Variants in DTL observed in about 807,000 individuals in gnomAD.
DTL encodes denticleless protein homolog.
In DTL, 46 loss-of-function variants were observed where a neutral mutation model predicts 87.0. The observed-to-expected ratio is 0.53, with a 90% CI of 0.42 to 0.68. The LOEUF (loss-of-function observed/expected upper bound fraction) is 0.68. Among genes scored for constraint, DTL ranks in the 30% least tolerant of loss-of-function variants. The pLI is 0.00. For synonymous variants in DTL, 308 were observed against 311.2 expected (o/e 0.99, Z 0.11); for missense variants, 737 against 869.4 (o/e 0.85, Z 1.91).
rs746976359 is a variant in DTL at position 212,100,628 on chromosome 1, G to A, written c.1638G>A (p.Glu546=). 45 of 1,613,946 alleles carry A rather than the reference G, an allele frequency of 2.8e-5. 1 individual carries two copies. The South Asian group carries it at 4.0e-4, about 14-fold the overall frequency. Residue 546 remains glutamate, a synonymous_variant, in exon 14 of 15, where the codon GAG becomes GAA. Coordinates refer to ENST00000366991, the MANE Select transcript of DTL (RefSeq NM_016448.4). ...QKSSQAEACS[E]SRNRVKRRLD... is the part of the protein sequence containing the mutation. ...CATCCCAAGCAGAGGCTTGCTCTGA[G>A]TCTAGAAATAGAGTAAAGAGGAGGC...
At position 212,044,765 on chromosome 1, in the gene DTL, C is replaced by A; in HGVS notation, c.277+7C>A. 1 of 1,569,032 alleles carries A rather than the reference C, an allele frequency of 6.4e-7. No individual in the cohort carries two copies. The highest frequency in any genetic ancestry group is 8.7e-7 in the Non-Finnish European group (1 of 1,148,338). ...AGAAAGAAGTGCTTCAAAGGTAAGT[C>A]TAGGTCTACAATTTTTGTTTTAACA... On this transcript the variant is annotated splice_region_variant and intron_variant, in intron 3 of 14. Coordinates refer to ENST00000366991, the MANE Select transcript of DTL (RefSeq NM_016448.4).
chr1:212,087,590 G>A (rs1655168375), intron 13 of DTL, among the ~76,000 whole-genome samples: 1 of 151,910 alleles, frequency 6.6e-6, no homozygotes, highest in Non-Finnish European at 1.5e-5. Context: ...CAAAAGTTCA[G>A]GTTAAGATCA....
chr1:212,041,681 T>A lies in DTL; in HGVS notation c.53-1312T>A, dbSNP rs183572843. On this transcript the variant is annotated intron_variant, in intron 1 of 14. Transcript: ENST00000366991. ...CACCACGCCTGGCTAATTTTTTTTT[T>A]ATGTATTTTTAGTAGAGACGGGGTT... is the stretch of plus-strand genomic sequence containing the variant. Among the ~76,000 whole-genome samples the A allele has an allele frequency of 5.4e-3, 818 of 152,044 alleles. 4 individuals are homozygous for A. Among genetic ancestry groups the A allele is most frequent in the Middle Eastern group, 0.01 (3 of 294 alleles).
intron 13 of DTL, among the ~76,000 whole-genome samples, chr1:212,083,275 T>C (rs1363536046): frequency 6.6e-6 from 1 of 152,158 alleles, no homozygotes; most frequent in Non-Finnish European, 1.5e-5. Context: ...ATGAGACTTA[T>C]TTGCTGTCAC....
chr1:212,064,570 C>T (rs868115137), intron 6 of DTL, among the ~76,000 whole-genome samples: 1 of 152,194 alleles, frequency 6.6e-6, no homozygotes, highest in African/African-American at 2.4e-5. Context: ...GATCTTATTA[C>T]TTCCCCCAGT....
rs1655582606 is a variant in DTL at position 212,100,407 on chromosome 1, C to T, written c.1417C>T (p.Pro473Ser). ...NTPTFSIKTSPAKARSPINRR... is the reference protein window; with the variant it reads ...NTPTFSIKTSSAKARSPINRR... The stretch of plus-strand genomic sequence containing the variant: ...TCCTACGTTCTCTATTAAAACCTCT[C>T]CTGCCAAGGCCCGGTCTCCCATCAA... Residue 473 changes from proline (P) to serine (S), a missense_variant, in exon 14 of 15, where the codon CCT becomes TCT. Physicochemically the swap from Pro to Ser is moderately conservative, Grantham distance 74. Coordinates refer to ENST00000366991, the MANE Select transcript of DTL (RefSeq NM_016448.4). 1.9e-6 allele frequency: 3 copies of T among 1,614,018 alleles called. No homozygotes were observed. The highest frequency in any genetic ancestry group is 2.5e-6 in the Non-Finnish European group (3 of 1,179,976).
At position 212,080,606 on chromosome 1, in the gene DTL, C is replaced by G. The variant is rs772270727; in HGVS notation, c.1126-9C>G. 1 of 1,602,536 alleles carries G rather than the reference C, an allele frequency of 6.2e-7. No individual in the cohort carries two copies. Reference sequence around the variant, plus strand: ...ATTTCTTAATTCCCTTCTTGGTACTCCCTCTTAGATTGCTACCTGTTCTGA... The same window carrying G: ...ATTTCTTAATTCCCTTCTTGGTACTGCCTCTTAGATTGCTACCTGTTCTGA... On this transcript the variant is annotated splice_polypyrimidine_tract_variant and intron_variant, in intron 12 of 14. Coordinates refer to ENST00000366991, the MANE Select transcript of DTL (RefSeq NM_016448.4).
intron 5 of DTL, among the ~76,000 whole-genome samples, chr1:212,061,514 A>C (rs1016912250): frequency 2.0e-5 from 3 of 151,570 alleles, no homozygotes; most frequent in Admixed American, 6.6e-5. Context: ...AAAAAAAACA[A>C]ATAGAATTAC....
Position 212,104,865 on chromosome 1 carries a change from C to CTT in DTL, c.*1929_*1930dup, listed in dbSNP as rs1655730714. On this transcript the variant is annotated 3_prime_UTR_variant, in exon 15 of 15. Coordinates refer to ENST00000366991, the MANE Select transcript of DTL (RefSeq NM_016448.4). ...ACCTTATCTGATGTCCTTTTCTGAG[C>CTT]TTTTTGCATTACCTAGAAGCAGTCT... 6.6e-6 allele frequency: 1 copy of CTT among 152,106 alleles called. No homozygotes were observed. The highest frequency in any genetic ancestry group is 6.6e-5 in the Admixed American group (1 of 15,266). 9.4% of individuals were successfully genotyped at this position (152,106 alleles called of 1,614,324 possible). A position where few individuals can be genotyped will look rare whatever the true frequency, so the allele number is the denominator to read the frequency against.
chr1:212,054,255 C>A (rs1668092631), intron 5 of DTL, among the ~76,000 whole-genome samples: 1 of 152,044 alleles, frequency 6.6e-6, no homozygotes, highest in Non-Finnish European at 1.5e-5. Context: ...CCAGGTTTTC[C>A]CCATCCCCTC....
chr1:212,063,116 T>G (rs1296103580), intron 6 of DTL, among the ~76,000 whole-genome samples, 167 bp downstream of exon 6: 2 of 152,146 alleles, frequency 1.3e-5, no homozygotes, highest in Admixed American at 1.3e-4. Context: ...GTGTCCTGAG[T>G]GATAAATACA....
In DTL at chr1:212,041,495, T is replaced by C. The variant is rs150429856; in HGVS notation, c.53-1498T>C. ...AATACTTGTGACCTCAACATAACTA[T>C]TGCATTTTTGGCGGGGGGGTGGGGG... is the stretch of plus-strand genomic sequence containing the variant. On this transcript the variant is annotated intron_variant, in intron 1 of 14. Transcript: ENST00000366991. Among the ~76,000 whole-genome samples, 765 of 133,124 alleles carry C rather than the reference T, an allele frequency of 5.7e-3. 4 individuals carry two copies. Among genetic ancestry groups the C allele is most frequent in the African/African-American group, 0.02 (722 of 36,200 alleles). The allele number at this position is 133,124 out of a possible 152,430, so 87.3% of individuals were successfully genotyped here.
rs147367516 is a variant in DTL, at chr1:212,046,518, A to T, written c.278-633A>T. Among the ~76,000 whole-genome samples the T allele has an allele frequency of 9.8e-3, 1,486 of 151,994 alleles. 17 individuals carry two copies. The highest frequency in any genetic ancestry group is 0.012 in the Non-Finnish European group (790 of 67,994). ...CATGTGTTCTCGTTGTTCAGCTCCC[A>T]CTTATGAGTGAGAACATACGGTGTT... On this transcript the variant is annotated intron_variant, in intron 3 of 14. Transcript: ENST00000366991.
intron 7 of DTL, among the ~76,000 whole-genome samples, chr1:212,066,178 GGTACAA>G (rs1260929955): frequency 6.6e-6 from 1 of 151,656 alleles, no homozygotes; most frequent in Non-Finnish European, 1.5e-5. Context: ...TGGTGTGTAG[GGTACAA>G]GTTAATATTT....
Position 212,100,563 on chromosome 1 carries a change from A to G in DTL, c.1573A>G (p.Met525Val), listed in dbSNP as rs774577101. ...TCCACCTGCTTCGGAGACCAAGATC[A>G]TGTCTCCGAGAAAAGCCCTTATTCC... ...ITPPASETKI[M>V]SPRKALIPVS... Residue 525 changes from methionine (M) to valine (V), a missense_variant, in exon 14 of 15, where the codon ATG becomes GTG. Coordinates refer to ENST00000366991, the MANE Select transcript of DTL (RefSeq NM_016448.4). 2.5e-6 allele frequency: 4 copies of G among 1,614,046 alleles called. No individual in the cohort carries two copies. Among genetic ancestry groups the G allele is most frequent in the African/African-American group, 1.3e-5 (1 of 74,994 alleles).
intron 14 of DTL, among the ~76,000 whole-genome samples, chr1:212,102,627 A>G (rs552397422): frequency 5.3e-5 from 8 of 152,176 alleles, no homozygotes; most frequent in Admixed American, 4.6e-4. Flanking sequence ...TCACATAAGA[A>G]GTCTATGCCT....
rs190285740 is a variant in DTL, at chr1:212,071,869, C to T, written c.923-232C>T. ...TTTTTTCTCTTGATATTGCCATTTTCGTACCAAGTACTCAGACTGAGTTCA... is the reference window on the plus strand; with the variant it reads ...TTTTTTCTCTTGATATTGCCATTTTTGTACCAAGTACTCAGACTGAGTTCA... On this transcript the variant is annotated intron_variant, in intron 10 of 14. Transcript: ENST00000366991. Among the ~76,000 whole-genome samples the T allele has an allele frequency of 1.1e-4, 17 of 152,186 alleles. No homozygotes were observed. The East Asian group carries it at 1.9e-3, about 17-fold the overall frequency.
chr1:212,044,680 C>G lies in DTL; in HGVS notation c.199C>G (p.Leu67Val). 1 of 1,610,044 alleles carries G rather than the reference C, an allele frequency of 6.2e-7. No individual in the cohort carries two copies. Among genetic ancestry groups the G allele is most frequent in the Non-Finnish European group, 8.5e-7 (1 of 1,177,042 alleles). ...FSSAPNMEHV[L>V]AVANEEGFVR... is the part of the protein sequence containing the mutation. The stretch of plus-strand genomic sequence containing the variant: ...TTTAGCTCCCAATATGGAACATGTA[C>G]TAGCAGTTGCCAATGAAGAAGGCTT... The change falls in exon 3 of 15, where the codon CTA becomes GTA. Residue 67 changes from leucine to valine, a missense_variant. Transcript: ENST00000366991.
intron 10 of DTL, 118 bp from the exon 11 acceptor site, chr1:212,071,983 T>G: frequency 1.4e-6 from 1 of 689,748 alleles, no homozygotes. Context: ...TAAAGCTAGA[T>G]CATCTGCTTC....
Sources: allele counts gnomAD v4.1 joint callset (sites outside exome capture counted in the v4.1 genomes callset), GRCh38; gene constraint gnomAD v4.1.1; transcripts MANE v1.5; gene names NCBI Gene and HGNC (gene_info 2026-07-23, HGNC 2026-07-21).